Variants in LUC7L2 observed in about 807,000 individuals in gnomAD.
The protein encoded by LUC7L2 is putative RNA-binding protein Luc7-like 2.
Under a neutral mutation model 52.8 loss-of-function variants are expected in LUC7L2, and 25 were observed. The ratio of observed to expected loss-of-function variants is 0.47; its 90% CI spans 0.34 to 0.66. The LOEUF is 0.66. Among genes scored for constraint, LUC7L2 ranks in the 30% least tolerant of loss-of-function variants. LUC7L2 has a pLI of 0.01. For missense variants in LUC7L2, 328 were observed against 497.8 expected, an observed-to-expected ratio of 0.66 and a Z score of 3.25; for synonymous variants, 144 against 160.9, an observed-to-expected ratio of 0.89 and a Z score of 0.80.
chr7:139,352,772 A>T (rs1799494357), intron 1 of LUC7L2, among the ~76,000 whole-genome samples: 1 of 152,260 alleles, frequency 6.6e-6, no homozygotes. Flanking sequence ...TACTAGGATT[A>T]TGTGGTGGGA....
At chr7:139,415,350 T>C (rs762820848) in intron 8 of LUC7L2, among the ~76,000 whole-genome samples, 1 of 151,812 alleles carries the variant, frequency 6.6e-6, no homozygotes, top group Non-Finnish European at 1.5e-5. Context: ...CCTCCCCTAG[T>C]ATAGAACAGT....
At position 139,398,714 on chromosome 7, in the gene LUC7L2, T is replaced by C. The variant is rs1019128511; in HGVS notation, c.255+17T>C. On this transcript the variant is annotated intron_variant, in intron 3 of 9. Transcript: ENST00000354926. ...GAACTTGATGTATGTGATTTTGCTT[T>C]AATGGTTTGTTGTTATCTTTTGCTG... The C allele has an allele frequency of 6.2e-7, 1 of 1,603,676 alleles. No homozygotes were observed. Among genetic ancestry groups the C allele is most frequent in the African/African-American group, 1.3e-5 (1 of 74,462 alleles).
chr7:139,356,894 G>A (rs1007885263), upstream of LUC7L2, among the ~76,000 whole-genome samples: 3 of 152,080 alleles, frequency 2.0e-5, no homozygotes, highest in Non-Finnish European at 4.4e-5. Context: ...AGAGATTTCC[G>A]AAGGAATGAA....
chr7:139,377,825 CTTTTTTTTTTTTTT>C (rs11346680), intron 2 of LUC7L2, among the ~76,000 whole-genome samples: 1 of 98,328 alleles, frequency 1.0e-5, no homozygotes, highest in South Asian at 3.3e-4. Flanking sequence ...CCGCGCCTGG[CTTTTTTTTTTTTTT>C]TTTTTTTTGA....
In LUC7L2 at chr7:139,349,619, C is replaced by G. The variant is rs534248064; in HGVS notation, c.-26+9102C>G. 1.5e-4 allele frequency among the ~76,000 whole-genome samples: 22 copies of G among 150,352 alleles called. No individual in the cohort carries two copies. The East Asian group carries it at 3.2e-3, about 22-fold the overall frequency. Reference sequence around the variant, plus strand: ...CCTCCTTTAATGTCAACTGCTCCCCCCCCCCCCACCGGATTTTCCTTTAAT... The same window carrying G: ...CCTCCTTTAATGTCAACTGCTCCCCGCCCCCCCACCGGATTTTCCTTTAAT... On this transcript the variant is annotated intron_variant, in intron 1 of 10. Coordinates refer to the LUC7L2 transcript ENST00000541170.
chr7:139,342,183 A>C (rs1410068256), intron 1 of LUC7L2, among the ~76,000 whole-genome samples: 1 of 122,630 alleles, frequency 8.2e-6, no homozygotes, highest in Non-Finnish European at 1.5e-5. Context: ...TCAGATGCAC[A>C]TGTGTCCTGT....
intron 6 of LUC7L2, among the ~76,000 whole-genome samples, chr7:139,407,842 A>G (rs1483653815): frequency 3.3e-5 from 5 of 152,242 alleles, no homozygotes; most frequent in African/African-American, 1.2e-4. Flanking sequence ...TAAAAGGACA[A>G]TCACTATTAC....
At chr7:139,376,690 C>T (rs770436352) in intron 2 of LUC7L2, among the ~76,000 whole-genome samples, 1 of 152,090 alleles carries the variant, frequency 6.6e-6, no homozygotes, top group East Asian at 1.9e-4. Flanking sequence ...AGAGTATCAT[C>T]GTTTTAATTT....
chr7:139,358,351 A>G (rs1799685193), upstream of LUC7L2, among the ~76,000 whole-genome samples: 1 of 152,176 alleles, frequency 6.6e-6, no homozygotes, highest in Non-Finnish European at 1.5e-5. Flanking sequence ...ACTACTATTC[A>G]TGTTTTTTAT....
chr7:139,398,475 G>A (rs1358987571), intron 2 of LUC7L2, 124 bp from the exon 3 acceptor site: 2 of 625,032 alleles, frequency 3.2e-6, no homozygotes, highest in Non-Finnish European at 4.9e-6. Context: ...TTTGTAATTT[G>A]GAAGCCCCTA....
At chr7:139,358,695 AT>A (rs968652904), upstream of LUC7L2, among the ~76,000 whole-genome samples, 39 of 149,096 alleles carry the variant, frequency 2.6e-4, no homozygotes, top group African/African-American at 4.2e-4. Context: ...TACTTAAGGA[AT>A]TTTTTTTTTT....
chr7:139,412,278 G>A (rs551186765), intron 7 of LUC7L2, among the ~76,000 whole-genome samples: 11 of 151,434 alleles, frequency 7.3e-5, no homozygotes, highest in Non-Finnish European at 7.4e-5. Context: ...GATCCTTAGC[G>A]TTTCGGAGAA....
At position 139,360,064 on chromosome 7, in the gene LUC7L2, C is replaced by G. The variant is rs1298581309; in HGVS notation, c.-198C>G. 1 of 547,450 alleles carries G rather than the reference C, an allele frequency of 1.8e-6. No individual in the cohort carries two copies. The highest frequency in any genetic ancestry group is 2.0e-5 in the African/African-American group (1 of 49,856). 33.9% of individuals were successfully genotyped at this position (547,450 alleles called of 1,614,324 possible). A position where few individuals can be genotyped will look rare whatever the true frequency, so the allele number is the denominator to read the frequency against. On this transcript the variant is annotated 5_prime_UTR_variant, in exon 1 of 10. Coordinates refer to ENST00000354926, the MANE Select transcript of LUC7L2 (RefSeq NM_016019.5). ...GAGGGTCGCTGTCGGGGGCTGTCGTCTTCCACGTACACGTCGTCGTGAGGA... is the reference window on the plus strand; with the variant it reads ...GAGGGTCGCTGTCGGGGGCTGTCGTGTTCCACGTACACGTCGTCGTGAGGA...
chr7:139,369,170 T>G (rs1569370685), intron 1 of LUC7L2, among the ~76,000 whole-genome samples: 1 of 152,236 alleles, frequency 6.6e-6, no homozygotes, highest in African/African-American at 2.4e-5. Flanking sequence ...CTTCTAATTT[T>G]GTATATAGAA....
chr7:139,379,717 C>T (rs900273679), intron 2 of LUC7L2, among the ~76,000 whole-genome samples: 4 of 151,520 alleles, frequency 2.6e-5, no homozygotes, highest in Middle Eastern at 3.4e-3. Flanking sequence ...AGGCATGCAC[C>T]ACTACACCCA....
At chr7:139,369,149 A>G (rs1800315736) in intron 1 of LUC7L2, among the ~76,000 whole-genome samples, 1 of 152,178 alleles carries the variant, frequency 6.6e-6, no homozygotes, top group African/African-American at 2.4e-5. Context: ...AGCCAAAGAT[A>G]GCTTTCGTTA....
chr7:139,348,140 G>A (rs1386168242), intron 1 of LUC7L2, among the ~76,000 whole-genome samples: 1 of 151,340 alleles, frequency 6.6e-6, no homozygotes, highest in Non-Finnish European at 1.5e-5. Flanking sequence ...TTACCATATT[G>A]AATATATACA....
intron 8 of LUC7L2, 179 bp downstream of exon 8, chr7:139,412,759 A>G (rs1374795708): frequency 3.8e-6 from 2 of 528,034 alleles, no homozygotes; most frequent in East Asian, 4.5e-5. Flanking sequence ...CGGGAGGCAG[A>G]GGTTGCAGTG....
At chr7:139,349,535 T>C (rs1799381603) in intron 1 of LUC7L2, among the ~76,000 whole-genome samples, 1 of 152,066 alleles carries the variant, frequency 6.6e-6, no homozygotes, top group Non-Finnish European at 1.5e-5. Flanking sequence ...ACTAGTCTAG[T>C]GATAAGTGAT....
Sources: allele counts gnomAD v4.1 joint callset (sites outside exome capture counted in the v4.1 genomes callset), GRCh38; gene constraint gnomAD v4.1.1; transcripts MANE v1.5; gene names NCBI Gene and HGNC (gene_info 2026-07-23, HGNC 2026-07-21).